DHTKD1: variants seen among roughly 807,000 people sequenced by gnomAD.
DHTKD1 encodes dehydrogenase E1 and transketolase domain containing 1, also known as 2-oxoadipate dehydrogenase complex component E1.
A neutral mutation model predicts 101.8 loss-of-function variants in DHTKD1; 78 were observed. That is an observed-to-expected ratio of 0.77 (90% CI 0.64 to 0.93). The LOEUF (loss-of-function observed/expected upper bound fraction) is 0.93, where lower values mean the gene tolerates loss of function less well. Ranked by LOEUF, DHTKD1 falls within the 40% of genes least tolerant of loss-of-function variation. The pLI is 0.00. For missense variants in DHTKD1, 1,223 were observed against 1,161.7 expected, an observed-to-expected ratio of 1.05 and a Z score of -0.77; for synonymous variants, 462 against 450.3, an observed-to-expected ratio of 1.03 and a Z score of -0.33.
chr10:12,076,423 C>T (rs919077361), intron 1 of DHTKD1, among the ~76,000 whole-genome samples: 1 of 151,048 alleles, frequency 6.6e-6, no homozygotes, highest in Admixed American at 6.6e-5. Context: ...TTGCAGTGAG[C>T]CGAGATGGTG....
At chr10:12,120,381 T>G (rs1332778582) in intron 16 of DHTKD1, 114 bp downstream of exon 16, 55 of 863,448 alleles carry the variant, frequency 6.4e-5, no homozygotes, top group Non-Finnish European at 9.2e-5. Flanking sequence ...TTGCCCAGGC[T>G]GGAGTGCAGT....
intron 15 of DHTKD1, among the ~76,000 whole-genome samples, chr10:12,119,573 G>A (rs1229387464): frequency 1.2e-4 from 17 of 145,170 alleles, no homozygotes; most frequent in South Asian, 2.1e-4. Context: ...CCGAGATTGC[G>A]CTACTGCACT....
At chr10:12,109,288 A>C (rs1448003713) in intron 12 of DHTKD1, among the ~76,000 whole-genome samples, 1 of 152,110 alleles carries the variant, frequency 6.6e-6, no homozygotes, top group Non-Finnish European at 1.5e-5. Flanking sequence ...AGATAGGTAG[A>C]CAGAACAACA....
At chr10:12,081,163 A>G (rs929426010) in intron 1 of DHTKD1, among the ~76,000 whole-genome samples, 3 of 149,588 alleles carry the variant, frequency 2.0e-5, no homozygotes, top group South Asian at 2.1e-4. Flanking sequence ...TAGCCAGGCT[A>G]CTTGGGAGGC....
chr10:12,094,335 T>C (rs757852616), intron 7 of DHTKD1, 64 bp downstream of exon 7: 1 of 1,428,660 alleles, frequency 7.0e-7, no homozygotes, highest in Non-Finnish European at 9.8e-7. Context: ...ATTATTCTTT[T>C]GAGATGGAGT....
chr10:12,081,640 C>T lies in DHTKD1; in HGVS notation c.310+13C>T. The T allele has an allele frequency of 6.2e-7, 1 of 1,613,988 alleles. No individual in the cohort carries two copies. The highest frequency in any genetic ancestry group is 8.5e-7 in the Non-Finnish European group (1 of 1,179,940). On this transcript the variant is annotated intron_variant, in intron 2 of 16. Transcript: ENST00000263035. Reference sequence around the variant, plus strand: ...TTCCACACGGCAGGTATGGCTTCTGCACAGCAGGCGGGAGCTCGGAGCTGC... The same window carrying T: ...TTCCACACGGCAGGTATGGCTTCTGTACAGCAGGCGGGAGCTCGGAGCTGC...
At chr10:12,093,247 T>C (rs1363953802) in intron 6 of DHTKD1, among the ~76,000 whole-genome samples, 4 of 152,168 alleles carry the variant, frequency 2.6e-5, no homozygotes, top group Non-Finnish European at 4.4e-5. Flanking sequence ...TTTCACCATG[T>C]TGGTCAGGCT....
intron 1 of DHTKD1, among the ~76,000 whole-genome samples, chr10:12,076,803 T>C (rs1026073791): frequency 5.9e-5 from 9 of 151,518 alleles, no homozygotes; most frequent in African/African-American, 1.7e-4. Flanking sequence ...GGACTACAGG[T>C]GCCCGCCACC....
chr10:12,111,366 A>G (rs1833327107), intron 12 of DHTKD1, among the ~76,000 whole-genome samples: 1 of 152,106 alleles, frequency 6.6e-6, no homozygotes, highest in African/African-American at 2.4e-5. Context: ...GGGTTTCACC[A>G]TGTTGACCAG....
chr10:12,114,040 T>G (rs1833376163), intron 13 of DHTKD1, among the ~76,000 whole-genome samples: 1 of 151,980 alleles, frequency 6.6e-6, no homozygotes, highest in South Asian at 2.1e-4. Flanking sequence ...CATTCTTTTT[T>G]TTTTTTTTCT....
intron 13 of DHTKD1, among the ~76,000 whole-genome samples, chr10:12,117,273 G>A (rs1833433295): frequency 6.9e-6 from 1 of 144,246 alleles, no homozygotes; most frequent in Non-Finnish European, 1.5e-5. Context: ...GCCTCCCAAA[G>A]TGCTGGGATT....
Position 12,097,931 on chromosome 10 carries a change from A to G in DHTKD1, c.1606A>G (p.Met536Val). The change falls in exon 8 of 17, where the codon ATG becomes GTG. Residue 536 changes from methionine to valine, a missense_variant. Physicochemically the swap from Met to Val is conservative, Grantham distance 21 (BLOSUM62 1). Transcript: ENST00000263035. ...CCTCGACCTCCTGCGGTTTGTTGGCATGAAGTCTGTAGAGGTGCCAAGAGA... is the reference window on the plus strand; with the variant it reads ...CCTCGACCTCCTGCGGTTTGTTGGCGTGAAGTCTGTAGAGGTGCCAAGAGA... ...VPLDLLRFVG[M>V]KSVEVPRELQ... 6.2e-7 allele frequency: 1 copy of G among 1,614,228 alleles called. No homozygotes were observed. Among genetic ancestry groups the G allele is most frequent in the Non-Finnish European group, 8.5e-7 (1 of 1,180,042 alleles).
Position 12,100,396 on chromosome 10 carries a change from G to T in DHTKD1, c.1756+134G>T, listed in dbSNP as rs146790958. On this transcript the variant is annotated intron_variant, in intron 9 of 16. Coordinates refer to ENST00000263035, the MANE Select transcript of DHTKD1 (RefSeq NM_018706.7). ...AGGTTCAAGCGATTCTCCTGCCCCA[G>T]CCTCCCAAGTAGGGCGCACCACCAT... The T allele has an allele frequency of 4.3e-4, 218 of 511,798 alleles. 1 individual carries two copies. The highest frequency in any genetic ancestry group is 3.6e-3 in the African/African-American group (174 of 47,734). 31.7% of individuals were successfully genotyped at this position (511,798 alleles called of 1,614,324 possible). A position where few individuals can be genotyped will look rare whatever the true frequency, so the allele number is the denominator to read the frequency against.
At chr10:12,118,548 A>G (rs923215041) in intron 14 of DHTKD1, among the ~76,000 whole-genome samples, 3 of 151,830 alleles carry the variant, frequency 2.0e-5, no homozygotes, top group Non-Finnish European at 2.9e-5. Flanking sequence ...ACGCCCGGCT[A>G]ATTTTTTGTA....
chr10:12,115,319 A>T (rs1833398560), intron 13 of DHTKD1, among the ~76,000 whole-genome samples: 1 of 151,130 alleles, frequency 6.6e-6, no homozygotes, highest in Non-Finnish European at 1.5e-5. Flanking sequence ...CTGGTCTCGA[A>T]CTCCTGGCCT....
chr10:12,075,271 C>T (rs1325602924), intron 1 of DHTKD1, among the ~76,000 whole-genome samples: 4 of 152,102 alleles, frequency 2.6e-5, no homozygotes, highest in African/African-American at 9.7e-5. Context: ...CCTCCGCCTT[C>T]TGGGTGCAAG....
At chr10:12,099,825 C>G (rs920920772) in intron 8 of DHTKD1, among the ~76,000 whole-genome samples, 5 of 106,306 alleles carry the variant, frequency 4.7e-5, no homozygotes, top group African/African-American at 1.9e-4. Context: ...GAGATCAAGT[C>G]TTGCTCTGTC....
At chr10:12,081,976 A>G (rs557462922) in intron 2 of DHTKD1, among the ~76,000 whole-genome samples, 1 of 149,566 alleles carries the variant, frequency 6.7e-6, no homozygotes, top group Non-Finnish European at 1.5e-5. Flanking sequence ...AAAAAAAAAA[A>G]AATAACTGGG....
intron 15 of DHTKD1, 132 bp from the exon 16 acceptor site, chr10:12,120,050 A>C: frequency 1.5e-6 from 1 of 681,454 alleles, no homozygotes; most frequent in East Asian, 2.6e-5. Context: ...CTTGAAGTAC[A>C]GTTTCTAGTG....
Sources: allele counts gnomAD v4.1 joint callset (sites outside exome capture counted in the v4.1 genomes callset), GRCh38; gene constraint gnomAD v4.1.1; transcripts MANE v1.5; gene names NCBI Gene and HGNC (gene_info 2026-07-23, HGNC 2026-07-21).